The following MECOM variants were observed in gnomAD, a reference collection of about 807,000 sequenced individuals.
MECOM encodes histone-lysine N-methyltransferase MECOM.
A neutral mutation model predicts 116.3 loss-of-function variants in MECOM; 13 were observed. That is an observed-to-expected ratio of 0.11 (90% CI 0.07 to 0.18). The LOEUF (loss-of-function observed/expected upper bound fraction) is 0.18. Among genes scored for constraint, MECOM ranks in the 10% least tolerant of loss-of-function variants. MECOM has a pLI of 1.00. For missense variants in MECOM, 1,299 were observed against 1,509.0 expected, an observed-to-expected ratio of 0.86 and a Z score of 2.31; for synonymous variants, 528 against 535.2, an observed-to-expected ratio of 0.99 and a Z score of 0.19.
intron 2 of MECOM, among the ~76,000 whole-genome samples, chr3:169,376,054 C>G (rs1730977461): frequency 6.6e-6 from 1 of 151,894 alleles, no homozygotes. Context: ...TAATCCATCA[C>G]ATAAACAGAA....
intron 1 of MECOM, among the ~76,000 whole-genome samples, chr3:169,516,281 G>T: frequency 6.6e-6 from 1 of 152,104 alleles, no homozygotes; most frequent in South Asian, 2.1e-4. Flanking sequence ...CTATTTGATA[G>T]AAAATACGTG....
At chr3:169,499,931 G>T (rs1159964303) in intron 1 of MECOM, among the ~76,000 whole-genome samples, 2 of 151,960 alleles carry the variant, frequency 1.3e-5, no homozygotes, top group Non-Finnish European at 2.9e-5. Context: ...ATTTTCTAAG[G>T]CTCTCTAGCC....
At chr3:169,336,184 T>C (rs1723561884) in intron 2 of MECOM, among the ~76,000 whole-genome samples, 1 of 152,116 alleles carries the variant, frequency 6.6e-6, no homozygotes. Flanking sequence ...CACTATTCTA[T>C]GTAAGTCACA....
At chr3:169,120,538 G>A (rs943651599) in intron 7 of MECOM, among the ~76,000 whole-genome samples, 6 of 152,102 alleles carry the variant, frequency 3.9e-5, no homozygotes, top group African/African-American at 7.2e-5. Flanking sequence ...GCCTGTGATC[G>A]GCAACAATGG....
intron 2 of MECOM, among the ~76,000 whole-genome samples, chr3:169,280,688 C>CA (rs1711748877): frequency 6.6e-6 from 1 of 152,044 alleles, no homozygotes; most frequent in Non-Finnish European, 1.5e-5. Context: ...ATGCTGTGCT[C>CA]AAAAACTGCA....
intron 2 of MECOM, among the ~76,000 whole-genome samples, chr3:169,334,284 A>G (rs544688483): frequency 3.3e-5 from 5 of 152,304 alleles, no homozygotes; most frequent in Non-Finnish European, 7.4e-5. Context: ...GAAAGAGGCA[A>G]TGCAGTTAAT....
At chr3:169,408,724 T>C (rs751995940) in intron 1 of MECOM, among the ~76,000 whole-genome samples, 10 of 152,156 alleles carry the variant, frequency 6.6e-5, no homozygotes, top group Non-Finnish European at 1.0e-4. Flanking sequence ...TAAACAGAGC[T>C]AGCTTTTAAT....
chr3:169,441,884 C>G (rs1743782394), intron 1 of MECOM, among the ~76,000 whole-genome samples: 1 of 151,660 alleles, frequency 6.6e-6, no homozygotes, highest in African/African-American at 2.4e-5. Context: ...GCACCCACCA[C>G]CACGCCTGGC....
intron 2 of MECOM, among the ~76,000 whole-genome samples, chr3:169,254,048 C>T (rs913535287): frequency 1.3e-5 from 2 of 152,056 alleles, no homozygotes; most frequent in Admixed American, 1.3e-4. Context: ...TCATGTGATG[C>T]CCTTTTAAAA....
chr3:169,125,351 C>T (rs1363378372), intron 5 of MECOM, among the ~76,000 whole-genome samples: 2 of 152,054 alleles, frequency 1.3e-5, no homozygotes, highest in Non-Finnish European at 2.9e-5. Flanking sequence ...ACTGTCCGTC[C>T]CTAGCAACCC....
intron 2 of MECOM, among the ~76,000 whole-genome samples, chr3:169,275,591 A>G (rs1206226976): frequency 1.3e-5 from 2 of 152,320 alleles, no homozygotes; most frequent in East Asian, 1.9e-4. Flanking sequence ...AAAATACACT[A>G]TTTAATTTCA....
intron 2 of MECOM, among the ~76,000 whole-genome samples, chr3:169,304,875 C>A (rs1430224589): frequency 2.0e-5 from 3 of 152,120 alleles, no homozygotes; most frequent in African/African-American, 7.2e-5. Flanking sequence ...CACTCAATTT[C>A]TCTCCTGAAG....
intron 2 of MECOM, among the ~76,000 whole-genome samples, chr3:169,290,009 C>T (rs1393953828): frequency 1.3e-5 from 2 of 152,088 alleles, no homozygotes; most frequent in African/African-American, 2.4e-5. Context: ...TGTAGCATTG[C>T]CCTTTAATGA....
rs541106342 is a variant in MECOM at position 169,145,119 on chromosome 3, G to A, written c.376-1287C>T. On this transcript the variant is annotated intron_variant, in intron 2 of 16. Transcript: ENST00000651503. ...TCCCAAAATTTAAAAAAGAAAAATC[G>A]AACATAAGATAGGGATATTATTAAA... The A allele has an allele frequency of 1.3e-5, 14 of 1,041,486 alleles. No homozygotes were observed. The African/African-American group carries it at 1.5e-4, about 11-fold the overall frequency. 64.5% of individuals were successfully genotyped at this position (1,041,486 alleles called of 1,614,324 possible). A position where few individuals can be genotyped will look rare whatever the true frequency, so the allele number is the denominator to read the frequency against.
At chr3:169,584,372 T>C (rs13080429) in intron 1 of MECOM, among the ~76,000 whole-genome samples, 27,996 of 151,212 alleles carry the variant, frequency 0.19, 3,163 homozygotes, top group Middle Eastern at 0.26. Flanking sequence ...GAGACCATCT[T>C]GGCTAACACG....
chr3:169,106,315 A>T (rs1372336200), intron 10 of MECOM, among the ~76,000 whole-genome samples: 1 of 152,026 alleles, frequency 6.6e-6, no homozygotes, highest in African/African-American at 2.4e-5. Context: ...TATTTTTGTG[A>T]GTACATTGTA....
At chr3:169,117,823 C>T (rs536432819) in intron 7 of MECOM, among the ~76,000 whole-genome samples, 2 of 152,302 alleles carry the variant, frequency 1.3e-5, no homozygotes, top group East Asian at 3.9e-4. Flanking sequence ...GTAAGAATCA[C>T]TCACTTCACT....
intron 1 of MECOM, among the ~76,000 whole-genome samples, chr3:169,622,335 G>GC (rs892556214): frequency 4.6e-5 from 7 of 152,048 alleles, no homozygotes; most frequent in Non-Finnish European, 1.0e-4. Context: ...CAGGTGATCT[G>GC]CCCCCCTAGG....
chr3:169,617,657 T>A (rs530001552), intron 1 of MECOM, among the ~76,000 whole-genome samples: 21 of 152,280 alleles, frequency 1.4e-4, no homozygotes, highest in Middle Eastern at 3.4e-3. Context: ...GTGCCTTTGG[T>A]TTTTCTCTTC....
Sources: gnomAD v4.1 joint callset for allele counts (sites outside exome capture counted in the v4.1 genomes callset) on GRCh38, gnomAD v4.1.1 for gene constraint, MANE v1.5 for transcripts, NCBI Gene and HGNC (gene_info 2026-07-23, HGNC 2026-07-21) for gene names.